The following SLC2A13 variants were observed in gnomAD, a reference collection of about 807,000 sequenced individuals.
SLC2A13 encodes solute carrier family 2 member 13.
SLC2A13 carries 32 observed loss-of-function variants against 64.4 expected under a neutral mutation model. The ratio of observed to expected loss-of-function variants is 0.50; its 90% confidence interval spans 0.37 to 0.67. The LOEUF (loss-of-function observed/expected upper bound fraction) is 0.67. Among genes scored for constraint, SLC2A13 ranks in the 30% least tolerant of loss-of-function variants. SLC2A13 has a pLI of 0.00. For missense variants in SLC2A13, 743 were observed against 829.2 expected (o/e 0.90, Z 1.28); for synonymous variants, 338 against 327.1 (o/e 1.03, Z -0.36).
At chr12:39,830,357 T>C in intron 6 of SLC2A13, 129 bp from the exon 7 acceptor site, 2 of 1,448,214 alleles carry the variant, frequency 1.4e-6, no homozygotes, top group Non-Finnish European at 1.8e-6. Flanking sequence ...GGACTTGTTT[T>C]GGCCAAGGAA....
At chr12:39,925,030 ATTTTTT>A (rs58902176) in intron 4 of SLC2A13, among the ~76,000 whole-genome samples, 10,129 of 119,104 alleles carry the variant, frequency 0.085, 405 homozygotes, top group East Asian at 0.2. Context: ...CATACAGATA[ATTTTTT>A]TTTTTTTTTT....
At chr12:39,809,256 T>G (rs1370188694) in intron 7 of SLC2A13, among the ~76,000 whole-genome samples, 3 of 152,230 alleles carry the variant, frequency 2.0e-5, no homozygotes, top group African/African-American at 2.4e-5. Context: ...GACTTTATTC[T>G]GTTCCCTTGA....
chr12:39,821,518 G>A (rs1255267376), intron 7 of SLC2A13, among the ~76,000 whole-genome samples: 1 of 152,146 alleles, frequency 6.6e-6, no homozygotes, highest in Non-Finnish European at 1.5e-5. Flanking sequence ...AGAGCGAATT[G>A]CAGTGGGATT....
chr12:39,897,025 A>G (rs1249479797), intron 4 of SLC2A13, among the ~76,000 whole-genome samples: 6 of 152,294 alleles, frequency 3.9e-5, no homozygotes, highest in Non-Finnish European at 5.9e-5. Flanking sequence ...GAAGAGACCA[A>G]CAAGTTCTAA....
intron 3 of SLC2A13, among the ~76,000 whole-genome samples, chr12:40,006,920 C>T (rs954270090): frequency 3.9e-5 from 6 of 152,074 alleles, no homozygotes; most frequent in Non-Finnish European, 8.8e-5. Flanking sequence ...AAGAAATTCC[C>T]ATTTGAGTAT....
chr12:39,857,044 A>T (rs190578104), intron 6 of SLC2A13, among the ~76,000 whole-genome samples: 3 of 152,328 alleles, frequency 2.0e-5, no homozygotes, highest in Admixed American at 2.0e-4. Flanking sequence ...AACAGGAATA[A>T]AACTCCAAGT....
At chr12:39,932,149 C>T (rs934452949) in intron 4 of SLC2A13, among the ~76,000 whole-genome samples, 8 of 152,170 alleles carry the variant, frequency 5.3e-5, no homozygotes, top group Non-Finnish European at 7.4e-5. Flanking sequence ...AAGTAGTATA[C>T]AGGGTGATTT....
At chr12:39,960,417 AT>A (rs1199831054) in intron 3 of SLC2A13, among the ~76,000 whole-genome samples, 4 of 152,122 alleles carry the variant, frequency 2.6e-5, no homozygotes, top group Non-Finnish European at 5.9e-5. Flanking sequence ...GACTCGTTCT[AT>A]TGTCTAAGCT....
At chr12:39,905,822 G>GAAAAAA (rs10682990) in intron 4 of SLC2A13, among the ~76,000 whole-genome samples, 23 of 145,414 alleles carry the variant, frequency 1.6e-4, no homozygotes, top group South Asian at 4.4e-4. Flanking sequence ...AAAATGCCCA[G>GAAAAAA]AAAAAAAAAA....
chr12:39,775,621 A>G (rs1350023850), intron 7 of SLC2A13, among the ~76,000 whole-genome samples: 1 of 152,238 alleles, frequency 6.6e-6, no homozygotes, highest in East Asian at 1.9e-4. Flanking sequence ...GCCATGGCCT[A>G]CTTCATAAAG....
At chr12:39,933,098 A>T (rs916037635) in intron 4 of SLC2A13, among the ~76,000 whole-genome samples, 1 of 152,122 alleles carries the variant, frequency 6.6e-6, no homozygotes, top group Admixed American at 6.5e-5. Flanking sequence ...TCGTGGGGGC[A>T]TGTGCCTGTA....
intron 4 of SLC2A13, among the ~76,000 whole-genome samples, chr12:39,883,857 G>A (rs938011254): frequency 1.3e-5 from 2 of 152,142 alleles, no homozygotes; most frequent in Admixed American, 6.5e-5. Flanking sequence ...AGGATGAAGT[G>A]AAAACAGCAA....
At chr12:40,079,185 G>A (rs1483323563) in intron 1 of SLC2A13, among the ~76,000 whole-genome samples, 3 of 152,136 alleles carry the variant, frequency 2.0e-5, no homozygotes, top group African/African-American at 4.8e-5. Context: ...GCTCCCTCTT[G>A]TATTTCTAGT....
chr12:40,032,261 C>G (rs890421755), intron 2 of SLC2A13, among the ~76,000 whole-genome samples: 8 of 152,162 alleles, frequency 5.3e-5, no homozygotes, highest in Admixed American at 4.6e-4. Context: ...CCACACCTTA[C>G]GGCAAAAGCC....
At chr12:39,860,954 G>A (rs1324733561) in intron 6 of SLC2A13, among the ~76,000 whole-genome samples, 7 of 152,110 alleles carry the variant, frequency 4.6e-5, no homozygotes, top group Admixed American at 1.3e-4. Context: ...ATGGATTTAC[G>A]TTCTTAGACT....
chr12:39,890,556 T>C (rs1238563087), intron 4 of SLC2A13, among the ~76,000 whole-genome samples: 1 of 152,212 alleles, frequency 6.6e-6, no homozygotes, highest in Non-Finnish European at 1.5e-5. Context: ...AGTAAATCTA[T>C]CTGACCTCTG....
At chr12:39,802,392 A>C (rs1941824143) in intron 7 of SLC2A13, 2 of 152,316 alleles carry the variant, frequency 1.3e-5, no homozygotes, top group Middle Eastern at 3.4e-3. Context: ...GGTATGTCTG[A>C]GAAACAGAAA....
intron 3 of SLC2A13, among the ~76,000 whole-genome samples, chr12:39,984,188 GGC>G (rs1946982485): frequency 6.6e-6 from 1 of 151,714 alleles, no homozygotes; most frequent in Non-Finnish European, 1.5e-5. Context: ...GTGGGGTGGG[GGC>G]AGGGGGGAGG....
intron 3 of SLC2A13, among the ~76,000 whole-genome samples, chr12:40,019,983 A>C (rs1309397340): frequency 6.6e-6 from 1 of 152,198 alleles, no homozygotes; most frequent in Admixed American, 6.5e-5. Flanking sequence ...TGAAATGTGC[A>C]TCTAAAGCAA....
Sources: gnomAD v4.1 joint callset for allele counts (sites outside exome capture counted in the v4.1 genomes callset) on GRCh38, gnomAD v4.1.1 for gene constraint, MANE v1.5 for transcripts, NCBI Gene and HGNC (gene_info 2026-07-23, HGNC 2026-07-21) for gene names.